The following PLXNA1 variants were observed in gnomAD, a reference collection of about 807,000 sequenced individuals.
PLXNA1 encodes plexin A1, also known as plexin-A1.
In PLXNA1, 77 loss-of-function variants were observed where a neutral mutation model predicts 191.7. The observed-to-expected ratio is 0.40, with a 90% CI of 0.33 to 0.49. The LOEUF (loss-of-function observed/expected upper bound fraction) is 0.49, where lower values mean the gene tolerates loss of function less well. PLXNA1 is among the 20% of genes least tolerant of loss of function. The pLI, the probability that PLXNA1 is intolerant of heterozygous loss-of-function variation, is 0.63. For missense variants in PLXNA1, 2,110 were observed against 2,660.2 expected, an observed-to-expected ratio of 0.79 and a Z score of 4.55; for synonymous variants, 1,137 against 1,156.4, an observed-to-expected ratio of 0.98 and a Z score of 0.34.
At chr3:127,012,222 C>G in intron 10 of PLXNA1, 64 bp downstream of exon 10, 1 of 1,532,118 alleles carries the variant, frequency 6.5e-7, no homozygotes. Context: ...CCTCACGGCC[C>G]TGGGTCCTGG....
At position 126,989,248 on chromosome 3, in the gene PLXNA1, G is replaced by T; in HGVS notation, c.655G>T (p.Val219Leu). The change falls in exon 2 of 32, where the codon GTG becomes TTG. Residue 219 changes from valine to leucine, a missense_variant. Val to Leu is a conservative substitution (Grantham distance 32, BLOSUM62 1). Around this residue, in one of 4 missense-constraint regions of PLXNA1, gnomAD observed 903 missense variants for 1,015.7 expected, o/e 0.89. Coordinates refer to ENST00000393409, the MANE Select transcript of PLXNA1 (RefSeq NM_032242.4). ...NEEDADMFGF[V>L]YQDEFVSSQL... ...GGAGGATGCCGACATGTTCGGCTTC[G>T]TGTACCAGGATGAGTTTGTGTCATC... 6.2e-7 allele frequency: 1 copy of T among 1,613,660 alleles called. No individual in the cohort carries two copies. The highest frequency in any genetic ancestry group is 8.5e-7 in the Non-Finnish European group (1 of 1,180,048).
intron 3 of PLXNA1, among the ~76,000 whole-genome samples, chr3:127,002,135 G>A (rs545162680): frequency 6.6e-6 from 1 of 152,240 alleles, no homozygotes; most frequent in Non-Finnish European, 1.5e-5. Flanking sequence ...GCCGCCCGCT[G>A]TCCCTGCATC....
chr3:126,994,256 C>G (rs1040775919), intron 3 of PLXNA1, among the ~76,000 whole-genome samples: 2 of 152,126 alleles, frequency 1.3e-5, no homozygotes, highest in African/African-American at 4.8e-5. Context: ...CTCAGTGACC[C>G]CCTCTCTGAG....
chr3:127,017,400 C>T (rs2079129086), intron 17 of PLXNA1, 25 bp from the exon 18 acceptor site: 1 of 1,605,676 alleles, frequency 6.2e-7, no homozygotes, highest in African/African-American at 1.3e-5. Context: ...AGGTCCCGCC[C>T]AGCATCCCCA....
intron 29 of PLXNA1, among the ~76,000 whole-genome samples, chr3:127,030,728 C>T (rs1047113499): frequency 2.0e-5 from 3 of 152,350 alleles, no homozygotes; most frequent in Middle Eastern, 3.4e-3. Context: ...AGAAACAGGG[C>T]ACAGTGGACC....
chr3:127,001,962 C>T (rs762468273), intron 3 of PLXNA1, among the ~76,000 whole-genome samples: 3 of 152,242 alleles, frequency 2.0e-5, no homozygotes, highest in South Asian at 2.1e-4. Context: ...GCATCCTAAG[C>T]GTCCGTCGGG....
intron 3 of PLXNA1, among the ~76,000 whole-genome samples, chr3:127,001,559 T>C (rs967139097): frequency 2.6e-5 from 4 of 151,884 alleles, no homozygotes; most frequent in Non-Finnish European, 4.4e-5. Context: ...ATGAGAGGAA[T>C]CGTGGTCCCT....
At chr3:127,023,610 T>G (rs972407935) in intron 23 of PLXNA1, among the ~76,000 whole-genome samples, 14 of 152,302 alleles carry the variant, frequency 9.2e-5, no homozygotes, top group South Asian at 4.1e-4. Context: ...ATTCTCCTGG[T>G]TTCCTTATGG....
At chr3:127,022,715 G>A in intron 22 of PLXNA1, 37 bp from the exon 23 acceptor site, 1 of 1,595,308 alleles carries the variant, frequency 6.3e-7, no homozygotes, top group Non-Finnish European at 8.6e-7. Context: ...TGGACAGCTG[G>A]AATGACACCA....
intron 3 of PLXNA1, among the ~76,000 whole-genome samples, chr3:126,995,627 C>T (rs555760919): frequency 6.6e-6 from 1 of 152,388 alleles, no homozygotes; most frequent in East Asian, 1.9e-4. Context: ...TTTCAAGATT[C>T]TGGAAACCTG....
intron 2 of PLXNA1, 99 bp downstream of exon 2, chr3:126,989,886 C>T: frequency 9.2e-7 from 1 of 1,089,900 alleles, no homozygotes; most frequent in South Asian, 1.5e-5. Context: ...TGCTGTGTGC[C>T]TGGCCTGGCT....
chr3:127,032,559 T>A lies in PLXNA1; in HGVS notation c.5404T>A (p.Tyr1802Asn). ...GGACTCACCCTCCAACAAGCTGCTC[T>A]ACGCCAAGGACATCCCCAACTACAA... ...GKDSPSNKLL[Y>N]AKDIPNYKSW... The change falls in exon 30 of 32, where the codon TAC (tyrosine) becomes AAC (asparagine). Residue 1802 changes from tyrosine to asparagine, a missense_variant. Tyr to Asn is a moderately radical substitution (Grantham distance 143). Around this residue, in one of 4 missense-constraint regions of PLXNA1, gnomAD observed 559 missense variants for 911.5 expected, o/e 0.61. Transcript: ENST00000393409. The A allele has an allele frequency of 6.2e-7, 1 of 1,613,970 alleles. No homozygotes were observed. Among genetic ancestry groups the A allele is most frequent in the Non-Finnish European group, 8.5e-7 (1 of 1,180,008 alleles).
Position 127,016,571 on chromosome 3 carries a change from C to A in PLXNA1, c.3069C>A (p.Ser1023Arg), listed in dbSNP as rs771284172. Residue 1023 changes from serine (S) to arginine (R), a missense_variant, in exon 16 of 32, where the codon AGC (serine) becomes AGA (arginine). Physicochemically the swap from Ser to Arg is moderately radical, Grantham distance 110 (BLOSUM62 -1). Coordinates refer to ENST00000393409, the MANE Select transcript of PLXNA1 (RefSeq NM_032242.4). ...CACCCCCCGGGCAGAGCCCTGGCAG[C>A]GCTCCCATCATCATCAACATCAACC... ...CLTPPGQSPG[S>R]APIIININRA... is the part of the protein sequence containing the mutation. 6.2e-7 allele frequency: 1 copy of A among 1,613,888 alleles called. No homozygotes were observed. The highest frequency in any genetic ancestry group is 1.3e-5 in the African/African-American group (1 of 75,046).
intron 3 of PLXNA1, among the ~76,000 whole-genome samples, chr3:126,999,905 G>A (rs547187324): frequency 9.2e-4 from 140 of 152,246 alleles, no homozygotes; most frequent in African/African-American, 3.3e-3. Flanking sequence ...CTTCGGTCTC[G>A]GCTCCGAGCC....
intron 31 of PLXNA1, 100 bp downstream of exon 31, chr3:127,032,936 T>G: frequency 1.4e-5 from 18 of 1,304,604 alleles, no homozygotes; most frequent in Non-Finnish European, 1.6e-5. Context: ...CCTGAATCTC[T>G]GGGCTGCCAC....
At chr3:127,007,760 G>T in intron 8 of PLXNA1, 39 bp from the exon 9 acceptor site, 1 of 1,373,990 alleles carries the variant, frequency 7.3e-7, no homozygotes, top group Non-Finnish European at 1.0e-6. Context: ...CCACGTGGTT[G>T]CGGGTCCCCA....
In PLXNA1 at chr3:127,014,080, G is replaced by A. The variant is rs140406218; in HGVS notation, c.2374G>A (p.Gly792Ser). The part of the protein sequence containing the change: ...LPVNLSVVWN[G>S]NFVIDNPQNI... ...AGTGAACCTGTCAGTCGTGTGGAACGGCAACTTTGTCATTGACAACCCACA... is the reference window on the plus strand; with the variant it reads ...AGTGAACCTGTCAGTCGTGTGGAACAGCAACTTTGTCATTGACAACCCACA... Residue 792 changes from glycine (G) to serine (S), a missense_variant, in exon 11 of 32, where the codon GGC becomes AGC. By Grantham distance (56) the Gly-to-Ser change is moderately conservative. This residue lies in a region of PLXNA1 where 644 missense variants were observed against 714.3 expected (regional missense o/e 0.90). Transcript: ENST00000393409. 81 of 1,613,848 alleles carry A rather than the reference G, an allele frequency of 5.0e-5. No individual in the cohort carries two copies. The highest frequency in any genetic ancestry group is 7.7e-5 in the South Asian group (7 of 91,090).
chr3:127,000,733 C>T (rs1289508506), intron 3 of PLXNA1, among the ~76,000 whole-genome samples: 3 of 152,214 alleles, frequency 2.0e-5, no homozygotes, highest in Non-Finnish European at 2.9e-5. Context: ...GACACATGTC[C>T]TGGGGACCAT....
chr3:127,029,218 G>A lies in PLXNA1; in HGVS notation c.4773+122G>A, dbSNP rs563275293. On this transcript the variant is annotated intron_variant, in intron 26 of 31. Transcript: ENST00000393409. The stretch of plus-strand genomic sequence containing the variant: ...GCTGGATCTGTCAGGGAGAGGAGGG[G>A]AGGTGGTCACTTATGTGTGTGGACC... The A allele has an allele frequency of 1.2e-4, 103 of 870,898 alleles. No individual in the cohort carries two copies. The African/African-American group carries it at 1.6e-3, about 14-fold the overall frequency. The allele number at this position is 870,898 out of a possible 1,614,324, so 53.9% of individuals were successfully genotyped here. A position where few individuals can be genotyped will look rare whatever the true frequency, so the allele number is the denominator to read the frequency against.
Sources: gnomAD v4.1 joint callset for allele counts (sites outside exome capture counted in the v4.1 genomes callset) on GRCh38, gnomAD v4.1.1 for gene constraint, gnomAD v4.1.1 regional missense constraint, MANE v1.5 for transcripts, NCBI Gene and HGNC (gene_info 2026-07-23, HGNC 2026-07-21) for gene names.